Variants in UCHL5 observed in about 807,000 individuals in gnomAD.
UCHL5 encodes ubiquitin C-terminal hydrolase L5, also known as ubiquitin carboxyl-terminal hydrolase isozyme L5.
UCHL5 carries 34 observed loss-of-function variants against 53.8 expected under a neutral mutation model. The ratio of observed to expected loss-of-function variants is 0.63; its 90% CI spans 0.48 to 0.84. UCHL5 has a LOEUF of 0.84. Ranked by LOEUF, UCHL5 falls within the 40% of genes least tolerant of loss-of-function variation. The probability of loss-of-function intolerance (pLI) is 0.00; values close to 1 mark genes in which losing one functional copy is unlikely to be tolerated. For missense variants in UCHL5, 290 were observed against 385.6 expected, an observed-to-expected ratio of 0.75 and a Z score of 2.08; for synonymous variants, 111 against 126.3, an observed-to-expected ratio of 0.88 and a Z score of 0.81.
In UCHL5 at chr1:193,029,658, C is replaced by A; in HGVS notation, c.247-1G>T. 1 of 1,585,428 alleles carries A rather than the reference C, an allele frequency of 6.3e-7. No individual in the cohort carries two copies. The highest frequency in any genetic ancestry group is 2.3e-5 in the East Asian group (1 of 44,392). ...GAGTAGCACAAGCATTATTAATTAC[C>A]TATAAAATATAAAAGTGAAGATATC... is the stretch of plus-strand genomic sequence containing the variant. On this transcript the variant is annotated splice_acceptor_variant, in intron 3 of 10. Transcript: ENST00000367454. LOFTEE classifies it high-confidence loss of function.
intron 3 of UCHL5, among the ~76,000 whole-genome samples, chr1:193,036,725 G>A (rs1307421504): frequency 6.6e-6 from 1 of 151,968 alleles, no homozygotes; most frequent in Non-Finnish European, 1.5e-5. Flanking sequence ...ATACACCGAG[G>A]ATAGACCATG....
At chr1:193,029,500 T>C (rs773140664) in intron 4 of UCHL5, 32 bp downstream of exon 4, 10 of 1,612,758 alleles carry the variant, frequency 6.2e-6, no homozygotes, top group East Asian at 4.5e-5. Context: ...TTCACAAATA[T>C]GACATTTTAG....
chr1:193,054,933 T>C (rs1670148381), intron 1 of UCHL5, among the ~76,000 whole-genome samples: 1 of 152,218 alleles, frequency 6.6e-6, no homozygotes, highest in Non-Finnish European at 1.5e-5. Context: ...ATTAATGCTC[T>C]GAGCCAAGAG....
At chr1:193,043,953 C>A (rs1157480610) in intron 3 of UCHL5, among the ~76,000 whole-genome samples, 1 of 152,116 alleles carries the variant, frequency 6.6e-6, no homozygotes, top group Non-Finnish European at 1.5e-5. Flanking sequence ...TTGTAATAAG[C>A]CATAATCATG....
intron 10 of UCHL5, chr1:193,019,770 T>C: frequency 1.4e-6 from 1 of 731,252 alleles, no homozygotes; most frequent in South Asian, 6.2e-5. Context: ...ACAGTGGTTC[T>C]TTTACTTACT....
chr1:193,020,555 G>T, intron 10 of UCHL5: 1 of 1,234,116 alleles, frequency 8.1e-7, no homozygotes. Context: ...CAATTTAACT[G>T]CATTTTACTT....
At chr1:193,059,502 G>C, upstream of UCHL5, 1 of 1,594,974 alleles carries the variant, frequency 6.3e-7, no homozygotes, top group Non-Finnish European at 8.6e-7. This position sits in a 1 kb window ranked among gnomAD's most constrained non-coding sequence, Gnocchi z 4.9. Context: ...TAGCGGATTC[G>C]GAAGGGCTGG....
chr1:193,046,658 T>G (rs1667418661), intron 3 of UCHL5, among the ~76,000 whole-genome samples: 1 of 147,626 alleles, frequency 6.8e-6, no homozygotes, highest in Non-Finnish European at 1.5e-5. Flanking sequence ...TATAATAATT[T>G]ATATATTTAT....
At chr1:193,054,845 T>C (rs549855522) in intron 1 of UCHL5, among the ~76,000 whole-genome samples, 1 of 152,326 alleles carries the variant, frequency 6.6e-6, no homozygotes, top group African/African-American at 2.4e-5. Context: ...AGAGTTGTTA[T>C]AGATGATGGA....
intron 2 of UCHL5, among the ~76,000 whole-genome samples, chr1:193,051,491 A>AT (rs1558166115): frequency 6.6e-6 from 1 of 151,478 alleles, no homozygotes; most frequent in Non-Finnish European, 1.5e-5. Context: ...AAAAAAAAAA[A>AT]AAAAAATCAA....
In UCHL5 at chr1:193,013,439, A is replaced by G. The variant is rs1397080449; in HGVS notation, c.*2912T>C. On this transcript the variant is annotated 3_prime_UTR_variant, in exon 11 of 11. Coordinates refer to ENST00000367454, the MANE Select transcript of UCHL5 (RefSeq NM_001199261.3). ...ATATGATCAAGTTTAAAAATAATATAAACTTCATAGAACTATTTCAGACTA... is the reference window on the plus strand; with the variant it reads ...ATATGATCAAGTTTAAAAATAATATGAACTTCATAGAACTATTTCAGACTA... 1 of 152,214 alleles carries G rather than the reference A, an allele frequency of 6.6e-6. No individual in the cohort carries two copies. The highest frequency in any genetic ancestry group is 1.5e-5 in the Non-Finnish European group (1 of 68,038). 9.4% of individuals were successfully genotyped at this position (152,214 alleles called of 1,614,324 possible).
At chr1:193,052,213 C>T (rs1455330438) in intron 1 of UCHL5, among the ~76,000 whole-genome samples, 1 of 151,966 alleles carries the variant, frequency 6.6e-6, no homozygotes, top group African/African-American at 2.4e-5. Flanking sequence ...TTAACAGTAA[C>T]TTTCAAATCA....
intron 3 of UCHL5, among the ~76,000 whole-genome samples, chr1:193,033,701 ACT>A (rs1662349407): frequency 6.6e-6 from 1 of 152,120 alleles, no homozygotes; most frequent in Admixed American, 6.5e-5. Context: ...GCTCATGAAG[ACT>A]CTATAAAGAA....
intron 7 of UCHL5, among the ~76,000 whole-genome samples, chr1:193,026,523 T>C (rs1184069474): frequency 6.6e-6 from 1 of 152,118 alleles, no homozygotes; most frequent in Non-Finnish European, 1.5e-5. Context: ...ATCAGGGAAA[T>C]GCAGATTAAA....
chr1:193,041,046 A>C (rs1558110817), intron 3 of UCHL5, among the ~76,000 whole-genome samples: 1 of 152,172 alleles, frequency 6.6e-6, no homozygotes, highest in Admixed American at 6.5e-5. Flanking sequence ...ATACAGTTTA[A>C]CAGAAGAAAG....
chr1:193,038,140 A>G (rs1442259809), intron 3 of UCHL5, among the ~76,000 whole-genome samples: 4 of 152,172 alleles, frequency 2.6e-5, no homozygotes, highest in Admixed American at 6.5e-5. Context: ...CTCACAGCTA[A>G]TATCATACTG....
rs1029763582 is a variant in UCHL5 at position 193,013,789 on chromosome 1, C to T, written c.*2562G>A. Reference sequence around the variant, plus strand: ...ACCATAATATACACACAAATATGTACCATGGTCCTAACTGGGGGAGCAAGT... The same window carrying T: ...ACCATAATATACACACAAATATGTATCATGGTCCTAACTGGGGGAGCAAGT... On this transcript the variant is annotated 3_prime_UTR_variant, in exon 11 of 11. Transcript: ENST00000367454. 1 of 152,020 alleles carries T rather than the reference C, an allele frequency of 6.6e-6. No homozygotes were observed. 9.4% of individuals were successfully genotyped at this position (152,020 alleles called of 1,614,324 possible).
rs767193213 is a variant in UCHL5 at position 193,027,935 on chromosome 1, C to T, written c.629+150G>A. 9.5e-6 allele frequency: 14 copies of T among 1,473,748 alleles called. No individual in the cohort carries two copies. The African/African-American group carries it at 2.0e-4, about 21-fold the overall frequency. The allele number at this position is 1,473,748 out of a possible 1,614,324, so 91.3% of individuals were successfully genotyped here. On this transcript the variant is annotated intron_variant, in intron 7 of 10. Coordinates refer to ENST00000367454, the MANE Select transcript of UCHL5 (RefSeq NM_001199261.3). ...CTCAGGAGTCTGAGACCAGCCTGGGCAACATGGTGAAAACCCGTCTCTACG... is the reference window on the plus strand; with the variant it reads ...CTCAGGAGTCTGAGACCAGCCTGGGTAACATGGTGAAAACCCGTCTCTACG...
intron 1 of UCHL5, among the ~76,000 whole-genome samples, chr1:193,053,352 G>A (rs1354388419): frequency 1.3e-5 from 2 of 152,106 alleles, no homozygotes; most frequent in Admixed American, 6.6e-5. Context: ...GAAAAAGTAC[G>A]CTGAATAAAA....
Sources: gnomAD v4.1 joint callset for allele counts (sites outside exome capture counted in the v4.1 genomes callset) on GRCh38, gnomAD v4.1.1 for gene constraint, Gnocchi (gnomAD v3.1) non-coding constraint, MANE v1.5 for transcripts, NCBI Gene and HGNC (gene_info 2026-07-23, HGNC 2026-07-21) for gene names.